The following TNPO1 variants were observed in gnomAD, a reference collection of about 807,000 sequenced individuals.
The protein encoded by TNPO1 is transportin-1.
Under a neutral mutation model 119.5 loss-of-function variants are expected in TNPO1, and 8 were observed. The ratio of observed to expected loss-of-function variants is 0.07; its 90% confidence interval spans 0.04 to 0.12. The LOEUF (loss-of-function observed/expected upper bound fraction) is 0.12, where lower values mean the gene tolerates loss of function less well. Among genes scored for constraint, TNPO1 ranks in the 10% least tolerant of loss-of-function variants. The pLI, the probability that TNPO1 is intolerant of heterozygous loss-of-function variation, is 1.00. For synonymous variants in TNPO1, 362 were observed against 363.0 expected, an observed-to-expected ratio of 1.00 and a Z score of 0.03; for missense variants, 576 against 1,089.8, an observed-to-expected ratio of 0.53 and a Z score of 6.64.
At chr5:72,855,096 A>G (rs749091236) in intron 3 of TNPO1, among the ~76,000 whole-genome samples, 1 of 151,998 alleles carries the variant, frequency 6.6e-6, no homozygotes, top group African/African-American at 2.4e-5. Context: ...TCTGAGTTCA[A>G]GTGATTCTCC....
At position 72,911,637 on chromosome 5, in the gene TNPO1, T is replaced by G. The variant is rs1750569623; in HGVS notation, c.*2964T>G. 2 of 152,562 alleles carry G rather than the reference T, an allele frequency of 1.3e-5. No homozygotes were observed. Among genetic ancestry groups the G allele is most frequent in the South Asian group, 4.1e-4 (2 of 4,838 alleles). The allele number at this position is 152,562 out of a possible 1,614,324, so 9.5% of individuals were successfully genotyped here. A position where few individuals can be genotyped will look rare whatever the true frequency, so the allele number is the denominator to read the frequency against. On this transcript the variant is annotated 3_prime_UTR_variant, in exon 25 of 25. Coordinates refer to ENST00000337273, the MANE Select transcript of TNPO1 (RefSeq NM_002270.4). ...AATGTTGACTGAATGTCTATAAAATTGTGAGTTTGTCTTTGTTACATTCCA... is the reference window on the plus strand; with the variant it reads ...AATGTTGACTGAATGTCTATAAAATGGTGAGTTTGTCTTTGTTACATTCCA...
At chr5:72,847,130 A>G (rs1745165496) in intron 1 of TNPO1, among the ~76,000 whole-genome samples, 1 of 152,114 alleles carries the variant, frequency 6.6e-6, no homozygotes, top group Non-Finnish European at 1.5e-5. Context: ...ATTACAGGCT[A>G]TTAAGCAGAA....
At chr5:72,885,619 T>C (rs1410258629) in intron 11 of TNPO1, among the ~76,000 whole-genome samples, 1 of 152,214 alleles carries the variant, frequency 6.6e-6, no homozygotes, top group Non-Finnish European at 1.5e-5. Flanking sequence ...TTAGATTTCC[T>C]TTTGTTGCAT....
At chr5:72,868,869 G>A (rs1357361200) in intron 6 of TNPO1, among the ~76,000 whole-genome samples, 8 of 152,102 alleles carry the variant, frequency 5.3e-5, no homozygotes, top group East Asian at 1.9e-4. Context: ...TTAGCTGGAC[G>A]TGGTGGCGGG....
chr5:72,817,876 G>C (rs1286389499), intron 1 of TNPO1, among the ~76,000 whole-genome samples: 1 of 152,196 alleles, frequency 6.6e-6, no homozygotes, highest in Non-Finnish European at 1.5e-5. Flanking sequence ...TGTTAGAGTG[G>C]TGAAGAAGCT....
chr5:72,872,756 G>GT, intron 7 of TNPO1, 36 bp downstream of exon 7: 1 of 1,439,416 alleles, frequency 6.9e-7, no homozygotes, highest in Non-Finnish European at 9.5e-7. Context: ...CAACCCCCCA[G>GT]CTTTTTTTTT....
intron 23 of TNPO1, among the ~76,000 whole-genome samples, chr5:72,904,598 C>G (rs931822458): frequency 6.6e-6 from 1 of 152,128 alleles, no homozygotes; most frequent in African/African-American, 2.4e-5. Flanking sequence ...GAGTTCAAGA[C>G]CAGCCTGGCC....
intron 17 of TNPO1, 35 bp downstream of exon 17, chr5:72,893,570 G>GT: frequency 6.2e-7 from 1 of 1,614,182 alleles, no homozygotes; most frequent in Non-Finnish European, 8.5e-7. Context: ...ATTGAAGCCT[G>GT]TTTCTCTGTG....
chr5:72,816,725 C>G lies in TNPO1; in HGVS notation c.-13C>G, dbSNP rs372296333. 10 of 1,576,028 alleles carry G rather than the reference C, an allele frequency of 6.3e-6. No homozygotes were observed. The highest frequency in any genetic ancestry group is 7.7e-6 in the Non-Finnish European group (9 of 1,163,202). ...CGCTTCGGCCGAAGGCCCGAGCGCC[C>G]GAGGCGTCTGGGATGGTGTGGGACC... is the stretch of plus-strand genomic sequence containing the variant. On this transcript the variant is annotated 5_prime_UTR_variant, in exon 1 of 25. Coordinates refer to ENST00000337273, the MANE Select transcript of TNPO1 (RefSeq NM_002270.4).
chr5:72,912,393 G>A lies in TNPO1; in HGVS notation c.*3720G>A, dbSNP rs2112532834. On this transcript the variant is annotated 3_prime_UTR_variant, in exon 25 of 25. Transcript: ENST00000337273. The stretch of plus-strand genomic sequence containing the variant: ...TGTATATTTTAAACTAATTTCAATG[G>A]ATTTTCCTCTTGAAATGCTTTGTCT... The A allele has an allele frequency of 6.6e-6, 1 of 152,464 alleles. No homozygotes were observed. The highest frequency in any genetic ancestry group is 1.5e-5 in the Non-Finnish European group (1 of 67,890). The allele number at this position is 152,464 out of a possible 1,614,324, so 9.4% of individuals were successfully genotyped here. A position where few individuals can be genotyped will look rare whatever the true frequency, so the allele number is the denominator to read the frequency against.
At chr5:72,875,958 T>C (rs184963091) in intron 8 of TNPO1, among the ~76,000 whole-genome samples, 2 of 152,338 alleles carry the variant, frequency 1.3e-5, no homozygotes, top group East Asian at 3.9e-4. Flanking sequence ...AGCCTCCTTT[T>C]CACTTCCAAA....
At chr5:72,854,670 A>AT (rs1745843405) in intron 3 of TNPO1, among the ~76,000 whole-genome samples, 1 of 152,198 alleles carries the variant, frequency 6.6e-6, no homozygotes, top group African/African-American at 2.4e-5. Context: ...ATGTTTAATA[A>AT]ATCATAAGCA....
At position 72,865,772 on chromosome 5, in the gene TNPO1, C is replaced by T. The variant is rs763152758; in HGVS notation, c.596+43C>T. The T allele has an allele frequency of 5.8e-6, 9 of 1,557,532 alleles. No individual in the cohort carries two copies. The East Asian group carries it at 1.8e-4, about 31-fold the overall frequency. On this transcript the variant is annotated intron_variant, in intron 6 of 24. Coordinates refer to ENST00000337273, the MANE Select transcript of TNPO1 (RefSeq NM_002270.4). Reference sequence around the variant, plus strand: ...ACTAATTGATTAACTGTGATATAAACCTGACCATTATCTTAGTTTTCATTA... The same window carrying T: ...ACTAATTGATTAACTGTGATATAAATCTGACCATTATCTTAGTTTTCATTA...
intron 6 of TNPO1, chr5:72,871,963 C>T (rs1310368266): frequency 2.0e-5 from 3 of 152,038 alleles, no homozygotes; most frequent in Non-Finnish European, 4.4e-5. Context: ...TTCATGTGGC[C>T]CATAAAGCTT....
At chr5:72,895,700 A>G (rs1311420632) in intron 18 of TNPO1, among the ~76,000 whole-genome samples, 1 of 152,228 alleles carries the variant, frequency 6.6e-6, no homozygotes, top group African/African-American at 2.4e-5. Flanking sequence ...ATATAGGGAG[A>G]CATTTCCCAT....
At chr5:72,840,485 T>A (rs1478773570) in intron 1 of TNPO1, among the ~76,000 whole-genome samples, 1 of 152,156 alleles carries the variant, frequency 6.6e-6, no homozygotes, top group Admixed American at 6.5e-5. Flanking sequence ...TCACACAGGT[T>A]TGGTTTTGAA....
intron 13 of TNPO1, among the ~76,000 whole-genome samples, chr5:72,889,282 T>C (rs1299175922): frequency 6.6e-6 from 1 of 152,136 alleles, no homozygotes; most frequent in East Asian, 1.9e-4. Flanking sequence ...GGTCTTGAAC[T>C]CCTGACCTCA....
At chr5:72,893,103 C>A in intron 15 of TNPO1, 36 bp from the exon 16 acceptor site, 1 of 1,510,296 alleles carries the variant, frequency 6.6e-7, no homozygotes, top group Non-Finnish European at 9.1e-7. Flanking sequence ...TTCAGTATAC[C>A]CAGAAAGTTT....
chr5:72,837,856 G>A (rs1032036891), intron 1 of TNPO1, among the ~76,000 whole-genome samples: 10 of 152,154 alleles, frequency 6.6e-5, no homozygotes, highest in Non-Finnish European at 1.3e-4. Flanking sequence ...AAAAGACAGC[G>A]TCAATAATTA....
Sources: gnomAD v4.1 joint callset for allele counts (sites outside exome capture counted in the v4.1 genomes callset) on GRCh38, gnomAD v4.1.1 for gene constraint, MANE v1.5 for transcripts, NCBI Gene and HGNC (gene_info 2026-07-23, HGNC 2026-07-21) for gene names.